The following IL6ST variants were observed in gnomAD, a reference collection of about 807,000 sequenced individuals.
The protein encoded by IL6ST is interleukin 6 cytokine family signal transducer.
IL6ST carries 24 observed loss-of-function variants against 91.3 expected under a neutral mutation model. The observed-to-expected ratio is 0.26, with a 90% CI of 0.19 to 0.37. The LOEUF is 0.37. Among genes scored for constraint, IL6ST ranks in the 10% least tolerant of loss-of-function variants. The probability of loss-of-function intolerance (pLI) is 1.00; values close to 1 mark genes in which losing one functional copy is unlikely to be tolerated. For missense variants in IL6ST, 914 were observed against 1,078.5 expected, an observed-to-expected ratio of 0.85 and a Z score of 2.14; for synonymous variants, 351 against 373.6, an observed-to-expected ratio of 0.94 and a Z score of 0.70.
intron 14 of IL6ST, among the ~76,000 whole-genome samples, chr5:55,949,473 TCAAAAA>T (rs1261346564): frequency 6.7e-6 from 1 of 150,282 alleles, no homozygotes; most frequent in Admixed American, 6.6e-5. Context: ...AGACTCTGTC[TCAAAAA>T]CAAACAAACA....
chr5:55,974,400 A>C (rs929625520), intron 3 of IL6ST, among the ~76,000 whole-genome samples: 7 of 152,046 alleles, frequency 4.6e-5, no homozygotes, highest in Non-Finnish European at 8.8e-5. Flanking sequence ...ATCTCCACAC[A>C]CCGCAACCTT....
rs182763828 is a variant in IL6ST at position 55,935,483 on chromosome 5, T to G, written c.*5599A>C. On this transcript the variant is annotated 3_prime_UTR_variant, in exon 17 of 17. Transcript: ENST00000381298. The stretch of plus-strand genomic sequence containing the variant: ...CCTCCCTTGATGGAGACAGAACTTT[T>G]CTATGGAGAACCCAAGCAGCCTTTC... 4.7e-4 allele frequency: 99 copies of G among 211,684 alleles called. No individual in the cohort carries two copies. Among genetic ancestry groups the G allele is most frequent in the South Asian group, 7.5e-4 (4 of 5,364 alleles). 13.1% of individuals were successfully genotyped at this position (211,684 alleles called of 1,614,324 possible).
chr5:55,984,661 G>GT (rs986796741), intron 1 of IL6ST, among the ~76,000 whole-genome samples: 1 of 152,152 alleles, frequency 6.6e-6, no homozygotes, highest in African/African-American at 2.4e-5. Flanking sequence ...GGTACAGGTT[G>GT]AACATCCCAA....
At chr5:55,945,035 TAAATC>T (rs1168710255) in intron 15 of IL6ST, among the ~76,000 whole-genome samples, 8 of 102,950 alleles carry the variant, frequency 7.8e-5, no homozygotes, top group Non-Finnish European at 1.4e-4. Context: ...GCTGAGGAAT[TAAATC>T]AAAAAAAAAA....
intron 3 of IL6ST, among the ~76,000 whole-genome samples, chr5:55,973,025 A>G (rs1307682581): frequency 2.0e-5 from 3 of 149,724 alleles, no homozygotes; most frequent in Non-Finnish European, 4.5e-5. Flanking sequence ...AAAAAAAGCA[A>G]AAAAAAAAAG....
rs763664962 is a variant in IL6ST, at chr5:55,941,115, C to A, written c.2724G>T (p.Gln908His). 2 of 1,613,930 alleles carry A rather than the reference C, an allele frequency of 1.2e-6. No homozygotes were observed. Among genetic ancestry groups the A allele is most frequent in the Non-Finnish European group, 1.7e-6 (2 of 1,179,872 alleles). Reference sequence around the variant, plus strand: ...GCATGTAGCCGCCTTGCCGTACAGTCTGTGGTAAGTAACTTTTAGGCATGC... The same window carrying A: ...GCATGTAGCCGCCTTGCCGTACAGTATGTGGTAAGTAACTTTTAGGCATGC... ...DEGMPKSYLPQTVRQGGYMPQ is the reference protein window; with the variant it reads ...DEGMPKSYLPHTVRQGGYMPQ Residue 908 changes from glutamine (Q) to histidine (H), a missense_variant, in exon 17 of 17, where the codon CAG (glutamine) becomes CAT (histidine). Physicochemically the swap from Gln to His is conservative, Grantham distance 24. Transcript: ENST00000381298.
intron 1 of IL6ST, among the ~76,000 whole-genome samples, chr5:55,988,183 T>C (rs1754090425): frequency 6.6e-6 from 1 of 151,174 alleles, no homozygotes; most frequent in South Asian, 2.1e-4. Flanking sequence ...TCTATAGGTT[T>C]AAAGGTAAAA....
In IL6ST at chr5:55,938,713, T is replaced by C. The variant is rs1750688149; in HGVS notation, c.*2369A>G. ...AATTTACATGCATCAACACATAGAT[T>C]ATTCTAAGACATGCTTGGGAAAGTA... On this transcript the variant is annotated 3_prime_UTR_variant, in exon 17 of 17. Transcript: ENST00000381298. 1.0e-5 allele frequency: 2 copies of C among 200,516 alleles called. No individual in the cohort carries two copies. Among genetic ancestry groups the C allele is most frequent in the Non-Finnish European group, 2.1e-5 (2 of 97,158 alleles). The allele number at this position is 200,516 out of a possible 1,614,324, so 12.4% of individuals were successfully genotyped here.
intron 8 of IL6ST, among the ~76,000 whole-genome samples, chr5:55,959,436 C>CT (rs1752175444): frequency 6.6e-6 from 1 of 152,138 alleles, no homozygotes; most frequent in African/African-American, 2.4e-5. Flanking sequence ...CCATTGATAA[C>CT]TAAGAGATGA....
At chr5:55,973,928 GAAC>G (rs1753113609) in intron 3 of IL6ST, among the ~76,000 whole-genome samples, 1 of 152,140 alleles carries the variant, frequency 6.6e-6, no homozygotes. Flanking sequence ...TGAAAGAGTA[GAAC>G]ACCAGGCTAA....
At chr5:55,969,946 C>T in intron 3 of IL6ST, 91 bp from the exon 4 acceptor site, 1 of 731,740 alleles carries the variant, frequency 1.4e-6, no homozygotes, top group Middle Eastern at 3.5e-4. Flanking sequence ...TAGAGTCCCT[C>T]AACCGTCACT....
rs1051932931 is a variant in IL6ST, at chr5:55,939,780, G to T, written c.*1302C>A. 2.9e-5 allele frequency: 6 copies of T among 205,474 alleles called. No homozygotes were observed. The highest frequency in any genetic ancestry group is 1.4e-4 in the African/African-American group (6 of 43,832). The allele number at this position is 205,474 out of a possible 1,614,324, so 12.7% of individuals were successfully genotyped here. ...TCGAGGCCTGGGTCACTTCTCCCTT[G>T]AAGAAAAAAGGTTTTAAAAATTCCT... On this transcript the variant is annotated 3_prime_UTR_variant, in exon 17 of 17. Transcript: ENST00000381298.
chr5:55,986,405 A>G (rs1268884225), intron 1 of IL6ST, among the ~76,000 whole-genome samples: 2 of 152,028 alleles, frequency 1.3e-5, no homozygotes, highest in Non-Finnish European at 2.9e-5. Flanking sequence ...TCTTACTTTG[A>G]TTAGTGTTAT....
chr5:55,973,223 C>T (rs962877341), intron 3 of IL6ST, among the ~76,000 whole-genome samples: 14 of 151,962 alleles, frequency 9.2e-5, no homozygotes, highest in African/African-American at 3.4e-4. Flanking sequence ...TTGGAGAAGA[C>T]TGTATTTTAA....
chr5:55,979,964 A>G (rs191782927), intron 2 of IL6ST, among the ~76,000 whole-genome samples: 39 of 152,348 alleles, frequency 2.6e-4, no homozygotes, highest in African/African-American at 7.9e-4. Context: ...AGGAAGCTCT[A>G]TATGTACAGA....
intron 7 of IL6ST, among the ~76,000 whole-genome samples, chr5:55,962,918 C>T (rs570941107): frequency 6.1e-4 from 93 of 151,920 alleles, no homozygotes; most frequent in African/African-American, 2.2e-3. Context: ...AGTTTGAGAC[C>T]ATCCTGGGCA....
intron 15 of IL6ST, among the ~76,000 whole-genome samples, chr5:55,946,996 A>G (rs1382832330): frequency 6.6e-6 from 1 of 152,084 alleles, no homozygotes; most frequent in African/African-American, 2.4e-5. Flanking sequence ...TGAGGTCAGG[A>G]GTTCGAGACC....
chr5:55,960,011 G>A (rs372556800), intron 8 of IL6ST, among the ~76,000 whole-genome samples: 5 of 151,508 alleles, frequency 3.3e-5, no homozygotes, highest in South Asian at 2.1e-4. Flanking sequence ...TCAGCCTCCC[G>A]AGTAGCTGGG....
intron 5 of IL6ST, 116 bp downstream of exon 5, chr5:55,968,160 T>C: frequency 1.0e-6 from 1 of 978,188 alleles, no homozygotes; most frequent in Non-Finnish European, 1.5e-6. Context: ...TGTTACAGAA[T>C]AAAAAATTAA....
Sources: gnomAD v4.1 joint callset for allele counts (sites outside exome capture counted in the v4.1 genomes callset) on GRCh38, gnomAD v4.1.1 for gene constraint, MANE v1.5 for transcripts, NCBI Gene and HGNC (gene_info 2026-07-23, HGNC 2026-07-21) for gene names.